SLC20A2: variants seen among roughly 807,000 people sequenced by gnomAD.
SLC20A2 encodes solute carrier family 20 member 2.
A neutral mutation model predicts 61.0 loss-of-function variants in SLC20A2; 30 were observed. The ratio of observed to expected loss-of-function variants is 0.49; its 90% CI spans 0.37 to 0.67. The LOEUF is 0.67. SLC20A2 is among the 30% of genes least tolerant of loss of function. The pLI is 0.00. For missense variants in SLC20A2, 626 were observed against 866.4 expected, an observed-to-expected ratio of 0.72 and a Z score of 3.48; for synonymous variants, 351 against 353.3, an observed-to-expected ratio of 0.99 and a Z score of 0.07.
chr8:42,475,715 A>C (rs1389013878), intron 1 of SLC20A2, among the ~76,000 whole-genome samples: 2 of 151,848 alleles, frequency 1.3e-5, no homozygotes, highest in African/African-American at 4.8e-5. Flanking sequence ...CAGGGCCCAG[A>C]AGATCCTTCT....
At chr8:42,479,065 C>T (rs1341220998) in intron 1 of SLC20A2, among the ~76,000 whole-genome samples, 1 of 152,108 alleles carries the variant, frequency 6.6e-6, no homozygotes, top group African/African-American at 2.4e-5. Flanking sequence ...CTTCTGGGGC[C>T]AGGGAACAGA....
chr8:42,460,029 A>G, intron 4 of SLC20A2, 37 bp from the exon 5 acceptor site: 2 of 1,190,124 alleles, frequency 1.7e-6, no homozygotes, highest in Non-Finnish European at 2.5e-6. Flanking sequence ...GAAGGTCAGG[A>G]TCCCAGCAGC....
At chr8:42,440,569 G>T (rs548846943) in intron 6 of SLC20A2, among the ~76,000 whole-genome samples, 1 of 152,242 alleles carries the variant, frequency 6.6e-6, no homozygotes, top group South Asian at 2.1e-4. Flanking sequence ...ATATAAAGGT[G>T]CTATAAACAT....
At chr8:42,524,905 G>A (rs1362125223) in intron 1 of SLC20A2, among the ~76,000 whole-genome samples, 3 of 152,152 alleles carry the variant, frequency 2.0e-5, no homozygotes, top group East Asian at 3.8e-4. Context: ...CATAATCCCA[G>A]GCAAATCATC....
chr8:42,443,037 T>C (rs1240599472), intron 6 of SLC20A2, among the ~76,000 whole-genome samples: 1 of 151,896 alleles, frequency 6.6e-6, no homozygotes, highest in Admixed American at 6.6e-5. Flanking sequence ...AGCCATATTC[T>C]TCTTCTTTTT....
At chr8:42,430,510 G>C (rs1049837828) in intron 8 of SLC20A2, among the ~76,000 whole-genome samples, 1 of 151,930 alleles carries the variant, frequency 6.6e-6, no homozygotes, top group East Asian at 1.9e-4. Context: ...CTACAGCCGC[G>C]GGCCACCACA....
intron 1 of SLC20A2, among the ~76,000 whole-genome samples, chr8:42,533,643 G>A (rs1812491603): frequency 1.2e-5 from 1 of 83,678 alleles, no homozygotes; most frequent in Admixed American, 1.2e-4. Flanking sequence ...TGGCCTTAAT[G>A]ATCAACTGTT....
At chr8:42,467,881 C>T (rs1213886025) in intron 2 of SLC20A2, among the ~76,000 whole-genome samples, 2 of 151,900 alleles carry the variant, frequency 1.3e-5, no homozygotes, top group African/African-American at 2.4e-5. Context: ...TTTCATAGCA[C>T]GGATTCATAG....
At chr8:42,517,691 A>G (rs1811399227) in intron 1 of SLC20A2, among the ~76,000 whole-genome samples, 1 of 152,154 alleles carries the variant, frequency 6.6e-6, no homozygotes, top group Non-Finnish European at 1.5e-5. Flanking sequence ...GCCAGGATTC[A>G]TTAGTATCCA....
chr8:42,418,387 G>C (rs1802816655), intron 10 of SLC20A2, among the ~76,000 whole-genome samples: 1 of 151,882 alleles, frequency 6.6e-6, no homozygotes, highest in African/African-American at 2.4e-5. Context: ...CGCTGATGTG[G>C]AACTCCTCAC....
At chr8:42,473,694 T>G (rs1253306846) in intron 1 of SLC20A2, among the ~76,000 whole-genome samples, 5 of 152,162 alleles carry the variant, frequency 3.3e-5, no homozygotes, top group African/African-American at 4.8e-5. Flanking sequence ...ATTCTATTAT[T>G]GGAGAGCCAA....
At position 42,425,951 on chromosome 8, in the gene SLC20A2, G is replaced by A. The variant is rs569726178; in HGVS notation, c.1794+2807C>T. On this transcript the variant is annotated intron_variant, in intron 10 of 10. Coordinates refer to ENST00000520262, the MANE Select transcript of SLC20A2 (RefSeq NM_001257180.2). ...CTCAGGAAGCTGAGGCAGGAGAATG[G>A]CATGAACCCAGGAGGCGGAGCTTGC... is the stretch of plus-strand genomic sequence containing the variant. 3.9e-5 allele frequency among the ~76,000 whole-genome samples: 6 copies of A among 152,210 alleles called. No individual in the cohort carries two copies. In the East Asian group the frequency reaches 1.2e-3, roughly 29 times the overall value.
chr8:42,486,720 G>T (rs4368963), intron 1 of SLC20A2, among the ~76,000 whole-genome samples: 47,045 of 152,016 alleles, frequency 0.31, 7,905 homozygotes, highest in Admixed American at 0.42. Flanking sequence ...TCTCTTGTGG[G>T]TTCCAAGAGT....
intron 2 of SLC20A2, among the ~76,000 whole-genome samples, chr8:42,470,498 T>C (rs1037889869): frequency 6.6e-6 from 1 of 152,082 alleles, no homozygotes; most frequent in Non-Finnish European, 1.5e-5. Flanking sequence ...GAACCTGACA[T>C]CTTTACAACA....
chr8:42,418,019 C>T, intron 10 of SLC20A2, 52 bp from the exon 11 acceptor site: 1 of 1,511,756 alleles, frequency 6.6e-7, no homozygotes, highest in Non-Finnish European at 9.1e-7. Context: ...AAAGGCTACA[C>T]TCTACCAATG....
intron 1 of SLC20A2, among the ~76,000 whole-genome samples, chr8:42,495,936 G>C (rs1809893712): frequency 6.6e-6 from 1 of 152,030 alleles, no homozygotes; most frequent in South Asian, 2.1e-4. Context: ...TTTTGGTAGA[G>C]AGGGGGTTTC....
chr8:42,439,356 T>C (rs1804580082), intron 7 of SLC20A2, 94 bp downstream of exon 7: 5 of 1,203,484 alleles, frequency 4.2e-6, no homozygotes, highest in Non-Finnish European at 5.8e-6. Flanking sequence ...TTTTGTGCAT[T>C]AAAACCAGAT....
intron 5 of SLC20A2, among the ~76,000 whole-genome samples, chr8:42,451,614 TGAA>T (rs1384501996): frequency 2.6e-5 from 2 of 78,104 alleles, no homozygotes; most frequent in East Asian, 8.0e-4. Flanking sequence ...GAGGAAGAGA[TGAA>T]GAGGAGGAGG....
intron 10 of SLC20A2, among the ~76,000 whole-genome samples, chr8:42,424,753 C>T (rs1803284812): frequency 6.6e-6 from 1 of 152,118 alleles, no homozygotes; most frequent in Non-Finnish European, 1.5e-5. Flanking sequence ...AAAATTGAAA[C>T]TATGCACTTA....
Sources: gnomAD v4.1 joint callset for allele counts (sites outside exome capture counted in the v4.1 genomes callset) on GRCh38, gnomAD v4.1.1 for gene constraint, MANE v1.5 for transcripts, NCBI Gene and HGNC (gene_info 2026-07-23, HGNC 2026-07-21) for gene names.